The following RBFOX3 variants were observed in gnomAD, a reference collection of about 807,000 sequenced individuals.
RBFOX3 encodes the protein RNA binding fox-1 homolog 3.
In RBFOX3, 17 loss-of-function variants were observed where a neutral mutation model predicts 48.7. The observed-to-expected ratio is 0.35, with a 90% CI of 0.24 to 0.52. RBFOX3 has a LOEUF of 0.52. Ranked by LOEUF, RBFOX3 falls within the 20% of genes least tolerant of loss-of-function variation. The probability of loss-of-function intolerance (pLI) is 0.94; values close to 1 mark genes in which losing one functional copy is unlikely to be tolerated. For missense variants in RBFOX3, 382 were observed against 497.5 expected (o/e 0.77, Z 2.21); for synonymous variants, 212 against 209.5 (o/e 1.01, Z -0.10).
intron 1 of RBFOX3, among the ~76,000 whole-genome samples, chr17:79,483,971 C>A (rs1332339006): frequency 2.7e-5 from 4 of 148,146 alleles, no homozygotes; most frequent in African/African-American, 7.5e-5. Context: ...GTCTTGTTTG[C>A]TTAATTTACT....
In RBFOX3 at chr17:79,473,644, G is replaced by C. The variant is rs1341223002; in HGVS notation, c.-175+8810C>G. Among the ~76,000 whole-genome samples the C allele has an allele frequency of 6.6e-6, 1 of 152,140 alleles. No homozygotes were observed. Among genetic ancestry groups the C allele is most frequent in the Non-Finnish European group, 1.5e-5 (1 of 68,016 alleles). Reference sequence around the variant, plus strand: ...AATGTTGACATCCTGATGAACCCCCGCTGGTGACGGCAGGTGGCCACACCC... The same window carrying C: ...AATGTTGACATCCTGATGAACCCCCCCTGGTGACGGCAGGTGGCCACACCC... On this transcript the variant is annotated intron_variant, in intron 2 of 14. Coordinates refer to ENST00000693108, the MANE Select transcript of RBFOX3 (RefSeq NM_001350451.2). This position sits in a 1 kb window ranked among gnomAD's most constrained non-coding sequence, Gnocchi z 4.2.
intron 1 of RBFOX3, among the ~76,000 whole-genome samples, chr17:79,556,385 G>A (rs969862453): frequency 9.2e-5 from 14 of 152,152 alleles, no homozygotes; most frequent in Admixed American, 7.9e-4. Flanking sequence ...GTGCCCGTGT[G>A]GCTCCGTAAA....
chr17:79,407,512 C>T (rs976942839), intron 2 of RBFOX3, among the ~76,000 whole-genome samples: 2 of 152,206 alleles, frequency 1.3e-5, no homozygotes, highest in Admixed American at 6.5e-5. Flanking sequence ...CTTGTCCTGC[C>T]TTCTTTCAAG....
At chr17:79,543,386 A>C (rs2089982720) in intron 1 of RBFOX3, among the ~76,000 whole-genome samples, 1 of 152,112 alleles carries the variant, frequency 6.6e-6, no homozygotes, top group African/African-American at 2.4e-5. Context: ...AGTGGTGCAC[A>C]GTGAAAGGAC....
intron 4 of RBFOX3, among the ~76,000 whole-genome samples, chr17:79,209,111 G>T (rs1168855449): frequency 6.6e-6 from 1 of 152,172 alleles, no homozygotes; most frequent in East Asian, 1.9e-4. Context: ...GAGCCACCAC[G>T]CCCGGCCCCT....
At position 79,247,110 on chromosome 17, in the gene RBFOX3, A is replaced by G. The variant is rs558358384; in HGVS notation, c.-73-11305T>C. ...TTCAGAAATCCGTCTCCATCAACCT[A>G]CTTACAAAATAAAAGTAGCTAATAG... On this transcript the variant is annotated intron_variant, in intron 3 of 14. Coordinates refer to ENST00000693108, the MANE Select transcript of RBFOX3 (RefSeq NM_001350451.2). 1.1e-3 allele frequency among the ~76,000 whole-genome samples: 167 copies of G among 152,186 alleles called. 1 individual carries two copies. The highest frequency in any genetic ancestry group is 3.8e-3 in the African/African-American group (158 of 41,516).
chr17:79,147,007 G>T (rs1405348394), intron 4 of RBFOX3, among the ~76,000 whole-genome samples: 7 of 152,054 alleles, frequency 4.6e-5, no homozygotes, highest in Non-Finnish European at 8.8e-5. Context: ...CTTTACTTTG[G>T]ATCTTACAGG....
intron 2 of RBFOX3, among the ~76,000 whole-genome samples, chr17:79,348,248 G>A (rs1224469873): frequency 1.3e-5 from 2 of 152,212 alleles, no homozygotes; most frequent in African/African-American, 4.8e-5. Context: ...CTGCTGTGCT[G>A]TATTAACACC....
At chr17:79,618,031 C>G in the RBFOX3 span, among the ~76,000 whole-genome samples, 1 of 152,212 alleles carries the variant, frequency 6.6e-6, no homozygotes, top group East Asian at 1.9e-4. Flanking sequence ...TTTATCTTCT[C>G]CAGAGGAGGA....
chr17:79,442,667 A>T (rs531267867), intron 2 of RBFOX3, among the ~76,000 whole-genome samples: 1 of 152,056 alleles, frequency 6.6e-6, no homozygotes, highest in African/African-American at 2.4e-5. Flanking sequence ...CTCCAACCTC[A>T]TTTCCCAGAG....
rs1365890180 is a variant in RBFOX3, at chr17:79,398,258, A to G, written c.-175+84196T>C. 2.6e-5 allele frequency among the ~76,000 whole-genome samples: 4 copies of G among 152,136 alleles called. No individual in the cohort carries two copies. In the South Asian group the frequency reaches 6.2e-4, roughly 24 times the overall value. On this transcript the variant is annotated intron_variant, in intron 2 of 14. Transcript: ENST00000693108. The stretch of plus-strand genomic sequence containing the variant: ...CAGAAACTCCCAGAACTGCCCCCCA[A>G]GTATGGGAGCGTCCAGCCCTGAGGC...
chr17:79,128,774 G>A (rs556871584), intron 4 of RBFOX3, among the ~76,000 whole-genome samples: 1 of 152,320 alleles, frequency 6.6e-6, no homozygotes, highest in South Asian at 2.1e-4. Flanking sequence ...TCTCACTCCA[G>A]GGCAATCTCA....
intron 3 of RBFOX3, among the ~76,000 whole-genome samples, chr17:79,241,732 G>C (rs1265960013): frequency 6.6e-6 from 1 of 152,210 alleles, no homozygotes; most frequent in Non-Finnish European, 1.5e-5. Flanking sequence ...TCTGTGATTA[G>C]GGAGCAGTGT....
chr17:79,277,911 T>C (rs2069299624), intron 3 of RBFOX3, among the ~76,000 whole-genome samples: 1 of 152,190 alleles, frequency 6.6e-6, no homozygotes, highest in African/African-American at 2.4e-5. Context: ...TGCAGAGTTC[T>C]GGAGAGGGAC....
intron 2 of RBFOX3, among the ~76,000 whole-genome samples, chr17:79,394,662 T>G (rs2061769389): frequency 6.6e-6 from 1 of 152,110 alleles, no homozygotes. Context: ...CTCTAAATGG[T>G]CTTGTCTGAA....
chr17:79,535,761 G>A lies in RBFOX3; in HGVS notation c.-319-53163C>T, dbSNP rs779552021. On this transcript the variant is annotated intron_variant, in intron 1 of 14. Coordinates refer to ENST00000693108, the MANE Select transcript of RBFOX3 (RefSeq NM_001350451.2). This position sits in a 1 kb window ranked among gnomAD's most constrained non-coding sequence, Gnocchi z 4.5. The stretch of plus-strand genomic sequence containing the variant: ...CCCAGGAAGCCTGCAGCACTGAGCC[G>A]TCTGCATTTGCTAGGGCCACCAGCT... 3.3e-5 allele frequency among the ~76,000 whole-genome samples: 5 copies of A among 152,166 alleles called. No homozygotes were observed. Among genetic ancestry groups the A allele is most frequent in the Non-Finnish European group, 5.9e-5 (4 of 68,024 alleles).
intron 4 of RBFOX3, among the ~76,000 whole-genome samples, chr17:79,229,898 C>T (rs74001701): frequency 0.044 from 6,741 of 152,246 alleles, 361 homozygotes; most frequent in African/African-American, 0.13. Flanking sequence ...TTTGAACAGG[C>T]CTGTTGTACG....
At chr17:79,318,854 CAAAAAAAAAAA>C (rs71161660) in intron 2 of RBFOX3, among the ~76,000 whole-genome samples, 3 of 32,524 alleles carry the variant, frequency 9.2e-5, no homozygotes, top group South Asian at 1.8e-3. Context: ...GACTCCATCT[CAAAAAAAAAAA>C]AAAAAAAAAA....
rs1018908715 is a variant in RBFOX3, at chr17:79,589,700, C to T, written c.-320+21126G>A. Among the ~76,000 whole-genome samples the T allele has an allele frequency of 5.9e-3, 891 of 152,210 alleles. 15 individuals are homozygous for T. The highest frequency in any genetic ancestry group is 0.018 in the African/African-American group (750 of 41,542). ...ACCCCCTGGAAGGGACCCTGGAGAA[C>T]GGCAGTGAAGAGGGGTCACATGCAC... On this transcript the variant is annotated intron_variant, in intron 1 of 14. Coordinates refer to ENST00000693108, the MANE Select transcript of RBFOX3 (RefSeq NM_001350451.2).
Sources: allele counts gnomAD v4.1 joint callset (sites outside exome capture counted in the v4.1 genomes callset), GRCh38; gene constraint gnomAD v4.1.1; non-coding constraint Gnocchi (gnomAD v3.1); transcripts MANE v1.5; gene names NCBI Gene and HGNC (gene_info 2026-07-23, HGNC 2026-07-21).